METTL15: variants seen among roughly 807,000 people sequenced by gnomAD.
METTL15 encodes methyltransferase 15, mitochondrial 12S rRNA N4-cytidine.
METTL15 carries 34 observed loss-of-function variants against 38.3 expected under a neutral mutation model. That is an observed-to-expected ratio of 0.89 (90% confidence interval 0.68 to 1.18). The LOEUF is 1.18. Among genes scored for constraint, METTL15 ranks in the 50% most tolerant of loss-of-function variants. METTL15 has a pLI of 0.00. For synonymous variants in METTL15, 162 were observed against 170.9 expected (o/e 0.95, Z 0.41); for missense variants, 438 against 498.4 (o/e 0.88, Z 1.15).
chr11:28,396,143 A>G (rs1413306894), intron 5 of METTL15, among the ~76,000 whole-genome samples: 1 of 152,064 alleles, frequency 6.6e-6, no homozygotes, highest in Non-Finnish European at 1.5e-5. Flanking sequence ...CAATACACTG[A>G]ATGGGCAAAA....
chr11:28,387,328 A>G (rs771564278), intron 5 of METTL15, among the ~76,000 whole-genome samples: 4 of 151,932 alleles, frequency 2.6e-5, no homozygotes, highest in Non-Finnish European at 4.4e-5. Context: ...AAGATGATCA[A>G]ATAACAAACA....
chr11:28,183,426 C>T (rs1034545787), intron 3 of METTL15, among the ~76,000 whole-genome samples: 7 of 151,812 alleles, frequency 4.6e-5, no homozygotes, highest in Admixed American at 1.3e-4. Flanking sequence ...TTTTGAGGTA[C>T]GTCCCTTAGA....
chr11:28,412,340 A>C (rs141322408), intron 5 of METTL15, among the ~76,000 whole-genome samples: 58 of 151,996 alleles, frequency 3.8e-4, no homozygotes, highest in African/African-American at 1.2e-3. Context: ...ATGGAAATGA[A>C]TGCCTGGAAC....
rs1443801670 is a variant in METTL15 at position 28,207,075 on chromosome 11, C to G, written c.271-3987C>G. ...GCAAACAGGGACAATTTGACTTCTT[C>G]TTTTCCTAATTGAATACCTTTTATT... is the stretch of plus-strand genomic sequence containing the variant. On this transcript the variant is annotated intron_variant, in intron 3 of 6. Coordinates refer to ENST00000407364, the MANE Select transcript of METTL15 (RefSeq NM_001113528.2). Among the ~76,000 whole-genome samples the G allele has an allele frequency of 2.8e-5, 4 of 144,962 alleles. No individual in the cohort carries two copies. The East Asian group carries it at 8.9e-4, about 32-fold the overall frequency.
intron 5 of METTL15, among the ~76,000 whole-genome samples, chr11:28,380,342 G>A (rs923744125): frequency 1.4e-4 from 22 of 151,864 alleles, no homozygotes; most frequent in Admixed American, 2.6e-4. Context: ...TAAGTTTTTC[G>A]TATTTTTAAT....
chr11:28,359,018 T>C (rs1175091619), intron 4 of METTL15, among the ~76,000 whole-genome samples: 1 of 152,192 alleles, frequency 6.6e-6, no homozygotes, highest in African/African-American at 2.4e-5. Flanking sequence ...GGGTATGAAA[T>C]GATCCTGTCA....
intron 3 of METTL15, among the ~76,000 whole-genome samples, chr11:28,176,113 G>T (rs1433150958): frequency 2.0e-5 from 3 of 151,896 alleles, no homozygotes; most frequent in Admixed American, 6.6e-5. Context: ...GGAAATCATA[G>T]ATTTTTAAAA....
intron 4 of METTL15, among the ~76,000 whole-genome samples, chr11:28,254,328 A>G (rs1192794894): frequency 6.6e-6 from 1 of 152,028 alleles, no homozygotes. Flanking sequence ...ATATCGGATT[A>G]TTAGATTTTT....
intron 6 of METTL15, among the ~76,000 whole-genome samples, chr11:28,471,038 A>G (rs983004997): frequency 2.6e-5 from 4 of 152,128 alleles, no homozygotes; most frequent in African/African-American, 9.7e-5. Context: ...TCAGCTGGGT[A>G]GTTCTCACTT....
intron 3 of METTL15, among the ~76,000 whole-genome samples, chr11:28,170,440 T>C (rs1850816726): frequency 6.6e-6 from 1 of 151,948 alleles, no homozygotes; most frequent in Admixed American, 6.6e-5. Context: ...TTGGGGTGAG[T>C]CCATAAAGTG....
intron 3 of METTL15, among the ~76,000 whole-genome samples, chr11:28,192,515 AT>A (rs1301019901): frequency 6.6e-6 from 1 of 151,338 alleles, no homozygotes; most frequent in Non-Finnish European, 1.5e-5. Context: ...TGATTTGTGT[AT>A]CAGAGTAATG....
intron 6 of METTL15, among the ~76,000 whole-genome samples, chr11:28,319,790 G>T (rs2134043697): frequency 6.6e-6 from 1 of 152,294 alleles, no homozygotes; most frequent in South Asian, 2.1e-4. Context: ...AAGTTATACA[G>T]TTATCTTAAG....
chr11:28,337,586 G>C (rs907966190), downstream of METTL15, among the ~76,000 whole-genome samples: 2 of 152,092 alleles, frequency 1.3e-5, no homozygotes, highest in African/African-American at 4.8e-5. Context: ...GTAGTGTGTA[G>C]TAATGTCCTA....
At chr11:28,394,100 T>C (rs1425779655) in intron 5 of METTL15, among the ~76,000 whole-genome samples, 1 of 152,068 alleles carries the variant, frequency 6.6e-6, no homozygotes, top group Non-Finnish European at 1.5e-5. Context: ...TGCCTTATTA[T>C]TTTTGTGCGT....
intron 6 of METTL15, among the ~76,000 whole-genome samples, chr11:28,487,015 C>T (rs947226922): frequency 6.6e-6 from 1 of 152,074 alleles, no homozygotes; most frequent in African/African-American, 2.4e-5. Context: ...AAAAAAAATA[C>T]AGTGCCATTT....
intron 6 of METTL15, among the ~76,000 whole-genome samples, chr11:28,439,914 C>G (rs1377554889): frequency 1.3e-5 from 2 of 152,170 alleles, no homozygotes; most frequent in African/African-American, 4.8e-5. Context: ...AATGTTCTGA[C>G]TTGGCATCAA....
At chr11:28,476,263 G>C (rs1302092103) in intron 6 of METTL15, among the ~76,000 whole-genome samples, 2 of 152,142 alleles carry the variant, frequency 1.3e-5, no homozygotes, top group Non-Finnish European at 2.9e-5. Flanking sequence ...ATATCAGGCT[G>C]CTGGGTTTGA....
At chr11:28,491,138 C>T (rs1851491175) in intron 6 of METTL15, among the ~76,000 whole-genome samples, 1 of 152,058 alleles carries the variant, frequency 6.6e-6, no homozygotes, top group Admixed American at 6.6e-5. Flanking sequence ...TGAGACTTGC[C>T]TTAAAAGGGG....
chr11:28,345,380 G>A (rs542105475), intron 3 of METTL15, among the ~76,000 whole-genome samples: 5 of 152,154 alleles, frequency 3.3e-5, no homozygotes, highest in East Asian at 1.9e-4. Flanking sequence ...CGTAGAGACG[G>A]GGTTTCACCA....
Sources: gnomAD v4.1 joint callset for allele counts (sites outside exome capture counted in the v4.1 genomes callset) on GRCh38, gnomAD v4.1.1 for gene constraint, MANE v1.5 for transcripts, NCBI Gene and HGNC (gene_info 2026-07-23, HGNC 2026-07-21) for gene names.